Variants in SNX1 observed in about 807,000 individuals in gnomAD.
The protein encoded by SNX1 is sorting nexin 1.
SNX1 carries 36 observed loss-of-function variants against 71.8 expected under a neutral mutation model. That is an observed-to-expected ratio of 0.50 (90% CI 0.38 to 0.66). The LOEUF is 0.66. Among genes scored for constraint, SNX1 ranks in the 30% least tolerant of loss-of-function variants. The pLI is 0.00. For missense variants in SNX1, 612 were observed against 646.7 expected (o/e 0.95, Z 0.58); for synonymous variants, 254 against 240.7 (o/e 1.06, Z -0.51).
At chr15:64,102,735 T>G (rs372576153) in intron 1 of SNX1, among the ~76,000 whole-genome samples, 1 of 150,460 alleles carries the variant, frequency 6.6e-6, no homozygotes, top group African/African-American at 2.4e-5. Context: ...TGAATAATAG[T>G]CCATTTTGTA....
At chr15:64,112,748 A>G (rs564068795) in intron 2 of SNX1, 64 bp downstream of exon 2, 2 of 1,073,230 alleles carry the variant, frequency 1.9e-6, no homozygotes, top group Admixed American at 5.0e-5. Context: ...TTGCTGAGTT[A>G]AAGTCAAAAC....
At chr15:64,135,261 G>T (rs187154014) in intron 12 of SNX1, among the ~76,000 whole-genome samples, 2 of 151,792 alleles carry the variant, frequency 1.3e-5, no homozygotes, top group Admixed American at 6.5e-5. Flanking sequence ...GGGACTACAG[G>T]CTCCTGCCAC....
intron 5 of SNX1, among the ~76,000 whole-genome samples, chr15:64,125,545 T>C (rs1314920791): frequency 6.6e-6 from 1 of 151,016 alleles, no homozygotes; most frequent in Non-Finnish European, 1.5e-5. Flanking sequence ...CTTGGGAGGC[T>C]GAGGTGGGAG....
chr15:64,124,381 C>T (rs1239044000), intron 5 of SNX1, among the ~76,000 whole-genome samples: 3 of 151,218 alleles, frequency 2.0e-5, no homozygotes, highest in African/African-American at 4.9e-5. Context: ...GTGGCAGGCA[C>T]CTGTAGCCCC....
intron 1 of SNX1, among the ~76,000 whole-genome samples, chr15:64,096,552 C>G (rs1356671944): frequency 1.3e-5 from 2 of 152,246 alleles, no homozygotes; most frequent in Non-Finnish European, 2.9e-5. Context: ...TTTCCCCCGT[C>G]TTACTGCTTC....
chr15:64,108,652 A>T (rs2081047307), intron 1 of SNX1, among the ~76,000 whole-genome samples: 1 of 152,168 alleles, frequency 6.6e-6, no homozygotes, highest in African/African-American at 2.4e-5. Context: ...AAAAAACTTA[A>T]TTTTTCCAGT....
chr15:64,100,400 G>C (rs1385054874), intron 1 of SNX1, among the ~76,000 whole-genome samples: 2 of 151,936 alleles, frequency 1.3e-5, no homozygotes, highest in Non-Finnish European at 2.9e-5. Context: ...AGGAGTTCTA[G>C]ACCAGCCTGG....
At chr15:64,114,054 C>T (rs1221240229) in intron 2 of SNX1, among the ~76,000 whole-genome samples, 2 of 152,132 alleles carry the variant, frequency 1.3e-5, no homozygotes, top group African/African-American at 2.4e-5. Flanking sequence ...GGACCTTAGA[C>T]ATTAATAATT....
At chr15:64,112,536 T>C (rs770133117) in intron 1 of SNX1, 37 bp from the exon 2 acceptor site, 1 of 1,447,312 alleles carries the variant, frequency 6.9e-7, no homozygotes, top group Non-Finnish European at 9.5e-7. Context: ...TTGTTTTTCA[T>C]GGTAATGTTT....
intron 6 of SNX1, among the ~76,000 whole-genome samples, 154 bp from the exon 7 acceptor site, chr15:64,127,020 A>G (rs1473659694): frequency 6.6e-6 from 1 of 152,226 alleles, no homozygotes; most frequent in African/African-American, 2.4e-5. Flanking sequence ...TCTCATGTAA[A>G]GAACCTTTTG....
At chr15:64,102,530 C>T (rs2080973241) in intron 1 of SNX1, among the ~76,000 whole-genome samples, 1 of 152,074 alleles carries the variant, frequency 6.6e-6, no homozygotes, top group African/African-American at 2.4e-5. Context: ...CTCATCCTGC[C>T]CTGCCTTCCC....
chr15:64,097,748 G>C (rs1265293548), intron 1 of SNX1, among the ~76,000 whole-genome samples: 24 of 152,118 alleles, frequency 1.6e-4, no homozygotes, highest in Admixed American at 1.6e-3. Flanking sequence ...TTCAATGCTG[G>C]GTCTGTGAAT....
At chr15:64,122,494 AAGC>A (rs1054662959) in intron 4 of SNX1, among the ~76,000 whole-genome samples, 1 of 152,188 alleles carries the variant, frequency 6.6e-6, no homozygotes, top group Non-Finnish European at 1.5e-5. Context: ...ATTTTTCAAA[AAGC>A]AGGCATTTCC....
chr15:64,135,539 C>T (rs1209756517), intron 12 of SNX1, among the ~76,000 whole-genome samples: 2 of 151,092 alleles, frequency 1.3e-5, no homozygotes, highest in Non-Finnish European at 3.0e-5. Context: ...GAGTGGATCA[C>T]GAGGTCAAGA....
chr15:64,115,145 A>G (rs2081115717), intron 2 of SNX1, among the ~76,000 whole-genome samples: 2 of 152,220 alleles, frequency 1.3e-5, no homozygotes, highest in African/African-American at 4.8e-5. Context: ...TTAGTGTAAT[A>G]GTTACCCAGT....
chr15:64,136,244 T>C, intron 12 of SNX1, 86 bp from the exon 13 acceptor site: 1 of 1,001,670 alleles, frequency 1.0e-6, no homozygotes, highest in East Asian at 2.4e-5. Flanking sequence ...AATTGAGCCC[T>C]CATATGTAAA....
At chr15:64,109,955 A>G (rs1165930057) in intron 1 of SNX1, among the ~76,000 whole-genome samples, 1 of 152,194 alleles carries the variant, frequency 6.6e-6, no homozygotes, top group Admixed American at 6.5e-5. Flanking sequence ...TTGATACCAC[A>G]ATTCTACTTA....
At chr15:64,128,966 G>T (rs1444169833) in intron 8 of SNX1, among the ~76,000 whole-genome samples, 1 of 152,174 alleles carries the variant, frequency 6.6e-6, no homozygotes, top group Non-Finnish European at 1.5e-5. Context: ...CTACTGCCAG[G>T]CCAGGCGCGG....
rs145312138 is a variant in SNX1, at chr15:64,131,799, A to G, written c.1128A>G (p.Lys376=). The G allele has an allele frequency of 2.4e-5, 39 of 1,614,176 alleles. No homozygotes were observed. In the African/African-American group the frequency reaches 4.5e-4, roughly 19 times the overall value. The change falls in exon 11 of 15, where the codon AAA becomes AAG. Residue 376 remains lysine, a synonymous_variant. Coordinates refer to ENST00000559844, the MANE Select transcript of SNX1 (RefSeq NM_003099.5). ...ALSQLAEVEE[K]IEQLHQEQAN... The stretch of plus-strand genomic sequence containing the variant: ...CCCAGCTGGCTGAGGTGGAAGAAAA[A>G]ATTGAGCAGCTCCACCAGGAACAGG...
Sources: allele counts gnomAD v4.1 joint callset (sites outside exome capture counted in the v4.1 genomes callset), GRCh38; gene constraint gnomAD v4.1.1; transcripts MANE v1.5; gene names NCBI Gene and HGNC (gene_info 2026-07-23, HGNC 2026-07-21).